STK32A: variants seen among roughly 807,000 people sequenced by gnomAD.
STK32A encodes serine/threonine kinase 32A.
In STK32A, 41 loss-of-function variants were observed where a neutral mutation model predicts 53.2. The ratio of observed to expected loss-of-function variants is 0.77; its 90% confidence interval spans 0.60 to 1.00. STK32A has a LOEUF of 1.00. Ranked by LOEUF, STK32A falls within the 50% of genes least tolerant of loss-of-function variation. STK32A has a pLI of 0.00. For missense variants in STK32A, 458 were observed against 485.8 expected (o/e 0.94, Z 0.54); for synonymous variants, 166 against 162.8 (o/e 1.02, Z -0.15).
At chr5:147,393,929 A>G in the STK32A span, 1 of 1,130,924 alleles carries the variant, frequency 8.8e-7, no homozygotes, top group Non-Finnish European at 1.3e-6. Flanking sequence ...TTGATTCTTT[A>G]GATCACAACC....
chr5:147,300,306 T>C (rs977680350), intron 4 of STK32A, among the ~76,000 whole-genome samples: 1 of 152,186 alleles, frequency 6.6e-6, no homozygotes, highest in Non-Finnish European at 1.5e-5. Flanking sequence ...GAGCGAGGAC[T>C]CAAACCCAAG....
chr5:147,337,811 T>C (rs922451435), intron 5 of STK32A, among the ~76,000 whole-genome samples: 2 of 152,150 alleles, frequency 1.3e-5, no homozygotes, highest in Non-Finnish European at 2.9e-5. Context: ...AAAGAAAAAG[T>C]GACAAGGTCA....
At chr5:147,292,586 TG>T (rs1752649815) in intron 4 of STK32A, among the ~76,000 whole-genome samples, 1 of 152,210 alleles carries the variant, frequency 6.6e-6, no homozygotes, top group African/African-American at 2.4e-5. Context: ...ATTTCAGTCC[TG>T]GCCAGGTGCA....
intron 4 of STK32A, among the ~76,000 whole-genome samples, chr5:147,320,441 TTTCTTTGA>T (rs1754253724): frequency 3.6e-5 from 3 of 83,632 alleles, no homozygotes; most frequent in African/African-American, 6.5e-5. Context: ...CTCTCCTTTC[TTTCTTTGA>T]TTCATTGATT....
intron 2 of STK32A, among the ~76,000 whole-genome samples, chr5:147,271,654 T>C (rs577094293): frequency 3.8e-4 from 58 of 152,282 alleles, no homozygotes; most frequent in South Asian, 2.1e-3. Context: ...GCCTCTAAAA[T>C]GGCCCCCTTG....
At chr5:147,341,421 T>C (rs1479846243) in intron 5 of STK32A, among the ~76,000 whole-genome samples, 3 of 152,228 alleles carry the variant, frequency 2.0e-5, no homozygotes, top group African/African-American at 4.8e-5. Flanking sequence ...GGATAGAATA[T>C]GATATTAATC....
At chr5:147,357,303 A>G (rs1207911812) in intron 7 of STK32A, among the ~76,000 whole-genome samples, 1 of 152,052 alleles carries the variant, frequency 6.6e-6, no homozygotes, top group Non-Finnish European at 1.5e-5. Flanking sequence ...TACACTATCA[A>G]TATCTTTAAT....
intron 2 of STK32A, among the ~76,000 whole-genome samples, chr5:147,256,083 C>A (rs980225598): frequency 2.0e-5 from 3 of 152,140 alleles, no homozygotes; most frequent in Admixed American, 2.0e-4. Context: ...AGTAAAGGTC[C>A]ACCACAATAC....
At chr5:147,358,338 G>A (rs763151453) in intron 7 of STK32A, among the ~76,000 whole-genome samples, 5 of 152,102 alleles carry the variant, frequency 3.3e-5, no homozygotes, top group Non-Finnish European at 7.4e-5. Context: ...ACTGGTCATA[G>A]TGTGAATTTA....
rs762587520 is a variant in STK32A, at chr5:147,370,779, GA to G, written c.777+11del. 3.0e-5 allele frequency: 47 copies of G among 1,559,510 alleles called. No homozygotes were observed. Among genetic ancestry groups the G allele is most frequent in the Non-Finnish European group, 3.8e-5 (43 of 1,131,304 alleles). ...TGTCACTTCTTAAAAAGGTAAGAAG[GA>G]AGACTGCATGTCCAAACGAAGTAAC... On this transcript the variant is annotated intron_variant, in intron 9 of 12. Coordinates refer to ENST00000397936, the MANE Select transcript of STK32A (RefSeq NM_001112724.2).
At chr5:147,381,013 C>T (rs192832292) in intron 11 of STK32A, among the ~76,000 whole-genome samples, 77 of 152,132 alleles carry the variant, frequency 5.1e-4, no homozygotes, top group African/African-American at 1.7e-3. Flanking sequence ...TTTATTTCTC[C>T]GTATAGTTTC....
At chr5:147,372,760 T>C (rs1274561530) in intron 9 of STK32A, among the ~76,000 whole-genome samples, 2 of 152,216 alleles carry the variant, frequency 1.3e-5, no homozygotes, top group East Asian at 3.9e-4. Flanking sequence ...GTTCTACTTG[T>C]GAAATGTATC....
intron 11 of STK32A, among the ~76,000 whole-genome samples, chr5:147,376,362 C>G (rs1757232076): frequency 6.6e-6 from 1 of 152,144 alleles, no homozygotes; most frequent in Non-Finnish European, 1.5e-5. Context: ...TCCCAATGGT[C>G]TGTTCCTCAT....
the STK32A span, among the ~76,000 whole-genome samples, chr5:147,396,150 G>A: frequency 0.19 from 28,863 of 151,954 alleles, 3,200 homozygotes; most frequent in African/African-American, 0.3. Flanking sequence ...GTCATGACAC[G>A]AGGTCGCAGG....
At chr5:147,353,077 C>T (rs538234396) in intron 7 of STK32A, among the ~76,000 whole-genome samples, 19 of 152,258 alleles carry the variant, frequency 1.2e-4, no homozygotes, top group African/African-American at 4.1e-4. Flanking sequence ...CAACTTCCAC[C>T]ACAGACCCCT....
intron 4 of STK32A, among the ~76,000 whole-genome samples, chr5:147,300,048 G>A (rs1753056993): frequency 6.6e-6 from 1 of 152,124 alleles, no homozygotes; most frequent in Admixed American, 6.5e-5. Flanking sequence ...ATGTGACTCA[G>A]AGTGCTAGCA....
At chr5:147,254,604 T>A (rs1026333024) in intron 2 of STK32A, among the ~76,000 whole-genome samples, 3 of 152,048 alleles carry the variant, frequency 2.0e-5, no homozygotes, top group Non-Finnish European at 4.4e-5. Context: ...GGAGAAGGGG[T>A]TCTTATCCCC....
intron 4 of STK32A, among the ~76,000 whole-genome samples, chr5:147,296,370 A>G (rs1752865498): frequency 6.6e-6 from 1 of 151,550 alleles, no homozygotes; most frequent in Non-Finnish European, 1.5e-5. Context: ...TTGGAGTTTT[A>G]TATGTTGGCA....
At chr5:147,236,110 A>G (rs1036225403) in intron 1 of STK32A, among the ~76,000 whole-genome samples, 4 of 152,116 alleles carry the variant, frequency 2.6e-5, no homozygotes, top group Non-Finnish European at 5.9e-5. Flanking sequence ...ATGTTTTCCA[A>G]TCCTAGAAGA....
Sources: allele counts gnomAD v4.1 joint callset (sites outside exome capture counted in the v4.1 genomes callset), GRCh38; gene constraint gnomAD v4.1.1; transcripts MANE v1.5; gene names NCBI Gene and HGNC (gene_info 2026-07-23, HGNC 2026-07-21).